The following SCEL variants were observed in gnomAD, a reference collection of about 807,000 sequenced individuals.
The protein encoded by SCEL is sciellin.
Under a neutral mutation model 117.6 loss-of-function variants are expected in SCEL, and 113 were observed. The ratio of observed to expected loss-of-function variants is 0.96; its 90% CI spans 0.83 to 1.12. The LOEUF (loss-of-function observed/expected upper bound fraction) is 1.12. Ranked by LOEUF, SCEL falls within the 50% of genes most tolerant of loss-of-function variation. The probability of loss-of-function intolerance (pLI) is 0.00; values close to 1 mark genes in which losing one functional copy is unlikely to be tolerated. For missense variants in SCEL, 785 were observed against 810.8 expected, an observed-to-expected ratio of 0.97 and a Z score of 0.39; for synonymous variants, 270 against 256.2, an observed-to-expected ratio of 1.05 and a Z score of -0.51.
intron 1 of SCEL, among the ~76,000 whole-genome samples, chr13:77,551,667 G>A (rs1030201719): frequency 1.3e-4 from 20 of 151,892 alleles, no homozygotes; most frequent in Non-Finnish European, 2.5e-4. Flanking sequence ...CACCCTAAGG[G>A]CCTCGTTTTT....
chr13:77,636,653 T>G (rs980903818), intron 29 of SCEL, among the ~76,000 whole-genome samples: 2 of 152,242 alleles, frequency 1.3e-5, no homozygotes, highest in Admixed American at 6.5e-5. Flanking sequence ...TCATTCTAAA[T>G]TATTCTTTCT....
intron 1 of SCEL, among the ~76,000 whole-genome samples, chr13:77,543,781 T>C (rs2083850669): frequency 6.6e-6 from 1 of 152,194 alleles, no homozygotes; most frequent in Non-Finnish European, 1.5e-5. Context: ...ATTTCGTTCT[T>C]TTTTTATTTA....
intron 3 of SCEL, among the ~76,000 whole-genome samples, chr13:77,558,348 A>G (rs1408542775): frequency 6.6e-6 from 1 of 152,166 alleles, no homozygotes; most frequent in Non-Finnish European, 1.5e-5. Context: ...GCCTCAGATA[A>G]AAACATGTCT....
chr13:77,581,554 C>T (rs912344207), intron 9 of SCEL, among the ~76,000 whole-genome samples: 4 of 152,094 alleles, frequency 2.6e-5, no homozygotes, highest in African/African-American at 9.7e-5. Flanking sequence ...GCCAGGGGGG[C>T]TCCTGGAAAT....
intron 15 of SCEL, among the ~76,000 whole-genome samples, chr13:77,601,504 A>G (rs2087686215): frequency 1.3e-5 from 2 of 152,208 alleles, no homozygotes; most frequent in Admixed American, 1.3e-4. Flanking sequence ...TAGCTTTCAT[A>G]TTCGCTAATA....
intron 9 of SCEL, among the ~76,000 whole-genome samples, chr13:77,581,153 C>G (rs908477516): frequency 6.6e-6 from 1 of 152,118 alleles, no homozygotes; most frequent in African/African-American, 2.4e-5. Flanking sequence ...TAACTGGAAT[C>G]TCTTTTGTAG....
At chr13:77,621,759 C>T (rs2089438308) in intron 27 of SCEL, among the ~76,000 whole-genome samples, 1 of 152,158 alleles carries the variant, frequency 6.6e-6, no homozygotes, top group Non-Finnish European at 1.5e-5. Flanking sequence ...CCAGCTGTGA[C>T]ATTCTGAGCC....
Position 77,628,014 on chromosome 13 carries a change from AG to A in SCEL, c.1691+6del. 2 of 1,434,608 alleles carry A rather than the reference AG, an allele frequency of 1.4e-6. No homozygotes were observed. Among genetic ancestry groups the A allele is most frequent in the Non-Finnish European group, 1.9e-6 (2 of 1,062,216 alleles). 88.9% of individuals were successfully genotyped at this position (1,434,608 alleles called of 1,614,324 possible). A position where few individuals can be genotyped will look rare whatever the true frequency, so the allele number is the denominator to read the frequency against. On this transcript the variant is annotated splice_donor_region_variant and intron_variant, in intron 28 of 32. Coordinates refer to ENST00000349847, the MANE Select transcript of SCEL (RefSeq NM_144777.3). ...GTCTGAAAACAAGAATGGAAGGTAA[AG>A]CTTATTATAATTCACTTTTTTTCTT...
intron 24 of SCEL, among the ~76,000 whole-genome samples, chr13:77,616,856 T>C (rs961167199): frequency 2.6e-5 from 4 of 152,016 alleles, no homozygotes; most frequent in African/African-American, 4.8e-5. Context: ...GGAAGCAGGT[T>C]TTGTCAGTTC....
At position 77,563,850 on chromosome 13, in the gene SCEL, G is replaced by A. The variant is rs747364015; in HGVS notation, c.241G>A (p.Val81Met). ...ALDRKVNERD[V>M]PKATISRYSS... ...CTACAGGAAAGTAAATGAGAGAGATGTGCCAAAAGCTACAATTAGTCGGTA... is the reference window on the plus strand; with the variant it reads ...CTACAGGAAAGTAAATGAGAGAGATATGCCAAAAGCTACAATTAGTCGGTA... The change falls in exon 5 of 33, where the codon GTG becomes ATG. Residue 81 changes from valine to methionine, a missense_variant. Transcript: ENST00000349847. 1.9e-6 allele frequency: 3 copies of A among 1,594,210 alleles called. No homozygotes were observed. The Admixed American group carries it at 5.3e-5, about 28-fold the overall frequency.
chr13:77,568,224 G>A, intron 6 of SCEL, 71 bp from the exon 7 acceptor site: 1 of 939,084 alleles, frequency 1.1e-6, no homozygotes, highest in Non-Finnish European at 1.7e-6. Context: ...TCTAAATTCA[G>A]GAATAATTCC....
At chr13:77,643,216 T>C (rs2090643698) in intron 32 of SCEL, among the ~76,000 whole-genome samples, 2 of 152,192 alleles carry the variant, frequency 1.3e-5, no homozygotes, top group Non-Finnish European at 2.9e-5. Context: ...ATATTACTTT[T>C]AAATTGAAAA....
At chr13:77,562,172 T>G (rs1373237044) in intron 4 of SCEL, among the ~76,000 whole-genome samples, 1 of 151,976 alleles carries the variant, frequency 6.6e-6, no homozygotes, top group Non-Finnish European at 1.5e-5. Context: ...GCATCCTAGT[T>G]GAAAGTGAGG....
chr13:77,617,007 T>C (rs1298619343), intron 24 of SCEL, among the ~76,000 whole-genome samples: 1 of 152,050 alleles, frequency 6.6e-6, no homozygotes, highest in Non-Finnish European at 1.5e-5. Flanking sequence ...TAGCAAACTA[T>C]ATAAGAGGAA....
Position 77,565,942 on chromosome 13 carries a change from C to T in SCEL, c.291-1738C>T, listed in dbSNP as rs186170051. On this transcript the variant is annotated intron_variant, in intron 5 of 32. Coordinates refer to ENST00000349847, the MANE Select transcript of SCEL (RefSeq NM_144777.3). Reference sequence around the variant, plus strand: ...AATTACATTGTTTGGTATTTCAAGTCTCCAAGACAGATTTTTATTAAAACA... The same window carrying T: ...AATTACATTGTTTGGTATTTCAAGTTTCCAAGACAGATTTTTATTAAAACA... Among the ~76,000 whole-genome samples, 131 of 152,290 alleles carry T rather than the reference C, an allele frequency of 8.6e-4. 1 individual carries two copies. The highest frequency in any genetic ancestry group is 6.8e-3 in the Middle Eastern group (2 of 294).
intron 30 of SCEL, among the ~76,000 whole-genome samples, chr13:77,637,498 G>C (rs77352450): frequency 0.02 from 3,041 of 151,352 alleles, 65 homozygotes; most frequent in East Asian, 0.094. Context: ...TGCATGGGCA[G>C]ACCAAAGTGC....
intron 28 of SCEL, among the ~76,000 whole-genome samples, chr13:77,633,878 A>G (rs2090150087): frequency 6.6e-6 from 1 of 152,236 alleles, no homozygotes; most frequent in East Asian, 1.9e-4. Flanking sequence ...ATAGGAAATT[A>G]TCAAACGTGA....
intron 4 of SCEL, among the ~76,000 whole-genome samples, chr13:77,560,279 A>G (rs916367234): frequency 6.6e-6 from 1 of 151,356 alleles, no homozygotes; most frequent in African/African-American, 2.4e-5. Flanking sequence ...AAAAAAAAAA[A>G]AAAAATTAAT....
chr13:77,563,697 C>T, intron 4 of SCEL, 134 bp from the exon 5 acceptor site: 2 of 584,412 alleles, frequency 3.4e-6, no homozygotes, highest in Non-Finnish European at 5.7e-6. Flanking sequence ...TATTAGAAAT[C>T]TATCTTTCCT....
Sources: allele counts gnomAD v4.1 joint callset (sites outside exome capture counted in the v4.1 genomes callset), GRCh38; gene constraint gnomAD v4.1.1; transcripts MANE v1.5; gene names NCBI Gene and HGNC (gene_info 2026-07-23, HGNC 2026-07-21).